PPFIA2: variants seen among roughly 807,000 people sequenced by gnomAD.
PPFIA2 encodes PPFI scaffold protein A2.
A neutral mutation model predicts 175.5 loss-of-function variants in PPFIA2; 46 were observed. The ratio of observed to expected loss-of-function variants is 0.26; its 90% CI spans 0.21 to 0.34. The LOEUF (loss-of-function observed/expected upper bound fraction) is 0.34. Ranked by LOEUF, PPFIA2 falls within the 10% of genes least tolerant of loss-of-function variation. PPFIA2 has a pLI of 1.00. For missense variants in PPFIA2, 1,179 were observed against 1,506.1 expected, an observed-to-expected ratio of 0.78 and a Z score of 3.60; for synonymous variants, 568 against 511.4, an observed-to-expected ratio of 1.11 and a Z score of -1.49.
intron 9 of PPFIA2, among the ~76,000 whole-genome samples, chr12:81,381,839 AG>A (rs2037786304): frequency 6.6e-6 from 1 of 152,042 alleles, no homozygotes; most frequent in Non-Finnish European, 1.5e-5. Flanking sequence ...GCATTGTCGT[AG>A]TACATATTCT....
At chr12:81,332,715 G>A (rs1315565480) in intron 21 of PPFIA2, among the ~76,000 whole-genome samples, 1 of 152,110 alleles carries the variant, frequency 6.6e-6, no homozygotes, top group Non-Finnish European at 1.5e-5. Flanking sequence ...GGAACTCAAT[G>A]AAGTATTTTT....
chr12:81,358,173 G>C lies in PPFIA2; in HGVS notation c.1682C>G (p.Ser561Cys), dbSNP rs565682494. ...GTAATCAGACTGGCTGTCCACTAGG[G>C]ATCCCACTGAGTACCGCAACTCAGC... Reference protein sequence around the residue: ...TSAELRYSVGSLVDSQSDYRT... With the variant: ...TSAELRYSVGCLVDSQSDYRT... Residue 561 changes from serine (S) to cysteine (C), a missense_variant, in exon 16 of 33, where the codon TCC becomes TGC. Ser to Cys is a moderately radical substitution (Grantham distance 112). Coordinates refer to ENST00000549396, the MANE Select transcript of PPFIA2 (RefSeq NM_003625.5). 1 of 1,595,508 alleles carries C rather than the reference G, an allele frequency of 6.3e-7. No individual in the cohort carries two copies. The highest frequency in any genetic ancestry group is 2.3e-5 in the East Asian group (1 of 44,036).
intron 4 of PPFIA2, among the ~76,000 whole-genome samples, chr12:81,554,594 A>G (rs2068514340): frequency 6.6e-6 from 1 of 152,070 alleles, no homozygotes; most frequent in Non-Finnish European, 1.5e-5. Context: ...CAGGAACAAA[A>G]TGTTCAAGAA....
At chr12:81,723,831 A>T (rs73151319) in intron 3 of PPFIA2, among the ~76,000 whole-genome samples, 19,975 of 150,950 alleles carry the variant, frequency 0.13, 1,498 homozygotes, top group Non-Finnish European at 0.17. Context: ...TATATCTGAA[A>T]GCATAAATCA....
intron 22 of PPFIA2, among the ~76,000 whole-genome samples, chr12:81,319,027 T>C (rs1278696245): frequency 1.3e-5 from 2 of 151,686 alleles, no homozygotes; most frequent in African/African-American, 2.4e-5. Context: ...AATGACATTA[T>C]CTTCTATTAT....
At chr12:81,463,693 G>A (rs1341853964) in intron 4 of PPFIA2, among the ~76,000 whole-genome samples, 3 of 151,984 alleles carry the variant, frequency 2.0e-5, no homozygotes, top group South Asian at 4.1e-4. Flanking sequence ...GACAAGCAAA[G>A]AAGCAAGTTA....
At chr12:81,467,576 A>G (rs912228059) in intron 4 of PPFIA2, among the ~76,000 whole-genome samples, 25 of 152,262 alleles carry the variant, frequency 1.6e-4, no homozygotes, top group African/African-American at 5.5e-4. Flanking sequence ...GAATTAGAAC[A>G]TGTTACATTA....
intron 4 of PPFIA2, among the ~76,000 whole-genome samples, chr12:81,496,798 T>C (rs1033258607): frequency 2.0e-5 from 3 of 152,156 alleles, no homozygotes; most frequent in African/African-American, 4.8e-5. Flanking sequence ...GTTACATTTA[T>C]ATGAGTAAAA....
At chr12:81,723,968 T>C (rs916518324) in intron 3 of PPFIA2, among the ~76,000 whole-genome samples, 2 of 151,080 alleles carry the variant, frequency 1.3e-5, no homozygotes, top group African/African-American at 4.8e-5. Context: ...TTTTGGGATA[T>C]TTCAAAATAT....
intron 3 of PPFIA2, among the ~76,000 whole-genome samples, chr12:81,705,953 C>A (rs1270539774): frequency 6.6e-6 from 1 of 151,928 alleles, no homozygotes; most frequent in East Asian, 1.9e-4. Context: ...CTATTTGCCA[C>A]GTGTTAAAAT....
intron 9 of PPFIA2, among the ~76,000 whole-genome samples, chr12:81,376,153 C>T (rs943989201): frequency 6.6e-6 from 1 of 152,148 alleles, no homozygotes; most frequent in Non-Finnish European, 1.5e-5. Context: ...TAACCAAAAG[C>T]TTTCTGCTGT....
chr12:81,693,421 C>A (rs1447050689), intron 3 of PPFIA2, among the ~76,000 whole-genome samples: 1 of 152,054 alleles, frequency 6.6e-6, no homozygotes, highest in Non-Finnish European at 1.5e-5. Flanking sequence ...CCTGCTTTCA[C>A]CGTGTGATGT....
At chr12:81,374,431 G>C (rs2035898615) in intron 11 of PPFIA2, among the ~76,000 whole-genome samples, 1 of 151,992 alleles carries the variant, frequency 6.6e-6, no homozygotes, top group African/African-American at 2.4e-5. Context: ...AAATAGGCAG[G>C]GGGATCATCA....
At chr12:81,523,103 G>A (rs1369720719) in intron 4 of PPFIA2, among the ~76,000 whole-genome samples, 2 of 152,096 alleles carry the variant, frequency 1.3e-5, no homozygotes, top group African/African-American at 4.8e-5. Context: ...CTATTTCATT[G>A]GCGATAAATC....
chr12:81,550,810 G>A (rs189273171), intron 4 of PPFIA2, among the ~76,000 whole-genome samples: 2 of 151,918 alleles, frequency 1.3e-5, no homozygotes, highest in East Asian at 3.9e-4. Flanking sequence ...GTGGACTAAC[G>A]ACTGAACTCT....
At chr12:81,729,447 A>G (rs1415103714) in intron 3 of PPFIA2, among the ~76,000 whole-genome samples, 1 of 151,608 alleles carries the variant, frequency 6.6e-6, no homozygotes, top group Admixed American at 6.6e-5. Context: ...TGTACTTTGC[A>G]GTGAATTCCT....
chr12:81,538,559 T>C (rs1028891065), intron 4 of PPFIA2, among the ~76,000 whole-genome samples: 17 of 151,912 alleles, frequency 1.1e-4, no homozygotes, highest in African/African-American at 3.9e-4. Context: ...CCATTTTAAG[T>C]TGGGAAGTCC....
chr12:81,699,463 G>T (rs890503314), intron 3 of PPFIA2, among the ~76,000 whole-genome samples: 21 of 151,426 alleles, frequency 1.4e-4, no homozygotes, highest in African/African-American at 5.1e-4. Flanking sequence ...AAATTATGTA[G>T]TGGTAAAATT....
chr12:81,341,296 T>A lies in PPFIA2; in HGVS notation c.2263-88A>T, dbSNP rs994869296. Reference sequence around the variant, plus strand: ...ATGGAGAATCATGAGAACAAGGCTGTCGAGTAATTTTAATACAAAATAAAA... The same window carrying A: ...ATGGAGAATCATGAGAACAAGGCTGACGAGTAATTTTAATACAAAATAAAA... On this transcript the variant is annotated intron_variant, in intron 19 of 32. Transcript: ENST00000549396. The A allele has an allele frequency of 1.4e-5, 18 of 1,308,684 alleles. No individual in the cohort carries two copies. In the African/African-American group the frequency reaches 2.4e-4, roughly 17 times the overall value. 81.1% of individuals were successfully genotyped at this position (1,308,684 alleles called of 1,614,324 possible). A position where few individuals can be genotyped will look rare whatever the true frequency, so the allele number is the denominator to read the frequency against.
Sources: allele counts gnomAD v4.1 joint callset (sites outside exome capture counted in the v4.1 genomes callset), GRCh38; gene constraint gnomAD v4.1.1; transcripts MANE v1.5; gene names NCBI Gene and HGNC (gene_info 2026-07-23, HGNC 2026-07-21).